The following ERBB4 variants were observed in gnomAD, a reference collection of about 807,000 sequenced individuals.
ERBB4 encodes the protein receptor tyrosine-protein kinase erbB-4.
A neutral mutation model predicts 158.0 loss-of-function variants in ERBB4; 42 were observed. The observed-to-expected ratio is 0.27, with a 90% CI of 0.21 to 0.34. The LOEUF (loss-of-function observed/expected upper bound fraction) is 0.34, where lower values mean the gene tolerates loss of function less well. Among genes scored for constraint, ERBB4 ranks in the 10% least tolerant of loss-of-function variants. The probability of loss-of-function intolerance (pLI) is 1.00; values close to 1 mark genes in which losing one functional copy is unlikely to be tolerated. For synonymous variants in ERBB4, 583 were observed against 558.7 expected, an observed-to-expected ratio of 1.04 and a Z score of -0.61; for missense variants, 1,333 against 1,624.1, an observed-to-expected ratio of 0.82 and a Z score of 3.08.
chr2:212,219,706 A>C (rs1458742734), intron 1 of ERBB4, among the ~76,000 whole-genome samples: 1 of 151,340 alleles, frequency 6.6e-6, no homozygotes, highest in African/African-American at 2.4e-5. Context: ...CCATATCCTG[A>C]TCATTCATCC....
intron 20 of ERBB4, among the ~76,000 whole-genome samples, chr2:211,536,425 C>T (rs149693165): frequency 1.3e-3 from 194 of 152,126 alleles, no homozygotes; most frequent in African/African-American, 4.5e-3. Context: ...GACATTACTC[C>T]GGCTTCCCAT....
At chr2:212,185,884 A>T (rs2082003737) in intron 1 of ERBB4, among the ~76,000 whole-genome samples, 1 of 152,084 alleles carries the variant, frequency 6.6e-6, no homozygotes, top group African/African-American at 2.4e-5. Flanking sequence ...ATATTATAGA[A>T]TTTTTTCCAT....
At chr2:212,338,003 G>A (rs2088526313) in intron 1 of ERBB4, among the ~76,000 whole-genome samples, 1 of 152,072 alleles carries the variant, frequency 6.6e-6, no homozygotes, top group Non-Finnish European at 1.5e-5. Context: ...AACTGTGCCA[G>A]GATAATTGAC....
chr2:212,461,683 A>G (rs2106073387), intron 1 of ERBB4, among the ~76,000 whole-genome samples: 1 of 152,176 alleles, frequency 6.6e-6, no homozygotes, highest in South Asian at 2.1e-4. Context: ...CCAAAATGTG[A>G]GGATGTGAGA....
chr2:211,424,767 T>C (rs1342872952), intron 22 of ERBB4, among the ~76,000 whole-genome samples: 4 of 151,896 alleles, frequency 2.6e-5, no homozygotes, highest in Admixed American at 6.6e-5. Context: ...AATTACCTTA[T>C]GTTACAATAA....
At chr2:212,294,993 C>G (rs1402391437) in intron 1 of ERBB4, among the ~76,000 whole-genome samples, 1 of 152,030 alleles carries the variant, frequency 6.6e-6, no homozygotes, top group Non-Finnish European at 1.5e-5. Flanking sequence ...GTAATATTTG[C>G]TGTATGGTCT....
At chr2:212,356,779 T>C (rs765511788) in intron 1 of ERBB4, among the ~76,000 whole-genome samples, 6 of 151,922 alleles carry the variant, frequency 3.9e-5, no homozygotes, top group Non-Finnish European at 7.4e-5. Flanking sequence ...ATAGTATGAA[T>C]GCTCATATTC....
At chr2:211,935,143 C>A (rs1048131158) in intron 3 of ERBB4, among the ~76,000 whole-genome samples, 1 of 152,048 alleles carries the variant, frequency 6.6e-6, no homozygotes, top group Non-Finnish European at 1.5e-5. Context: ...TGTATGCCCT[C>A]CTTGTGGTAT....
intron 20 of ERBB4, among the ~76,000 whole-genome samples, chr2:211,459,504 T>A (rs914681821): frequency 7.9e-5 from 12 of 152,166 alleles, no homozygotes; most frequent in Admixed American, 7.9e-4. Flanking sequence ...ATAATTCCCA[T>A]GTCTTGTGGG....
intron 1 of ERBB4, among the ~76,000 whole-genome samples, chr2:212,230,403 A>T (rs747433003): frequency 1.3e-4 from 20 of 152,214 alleles, no homozygotes; most frequent in Non-Finnish European, 2.6e-4. Flanking sequence ...TTTCCAATGG[A>T]TTTTGTATTG....
intron 1 of ERBB4, among the ~76,000 whole-genome samples, chr2:212,380,676 A>G (rs1323108137): frequency 6.6e-6 from 1 of 150,990 alleles, no homozygotes; most frequent in African/African-American, 2.4e-5. Flanking sequence ...GTATTTATGT[A>G]TATATTTTCT....
chr2:211,471,951 G>C (rs1185441010), intron 20 of ERBB4, among the ~76,000 whole-genome samples: 1 of 152,122 alleles, frequency 6.6e-6, no homozygotes, highest in Non-Finnish European at 1.5e-5. Context: ...AGACCAGCCT[G>C]AGCAACAGAG....
intron 1 of ERBB4, among the ~76,000 whole-genome samples, chr2:212,179,644 T>C (rs768714552): frequency 4.6e-5 from 7 of 151,574 alleles, no homozygotes; most frequent in Non-Finnish European, 8.9e-5. Flanking sequence ...GATGATTTAT[T>C]TTAATTTGTA....
At chr2:211,807,050 ATAAT>A (rs201226239) in intron 3 of ERBB4, among the ~76,000 whole-genome samples, 2,739 of 152,222 alleles carry the variant, frequency 0.018, 92 homozygotes, top group African/African-American at 0.062. Flanking sequence ...AAATCAAGAA[ATAAT>A]TAATTATATT....
At chr2:211,564,076 A>G (rs1480445774) in intron 19 of ERBB4, among the ~76,000 whole-genome samples, 1 of 152,198 alleles carries the variant, frequency 6.6e-6, no homozygotes, top group African/African-American at 2.4e-5. Flanking sequence ...TGACAAAAAA[A>G]GAGTTAATTT....
At chr2:211,727,319 G>T (rs7597007) in intron 5 of ERBB4, among the ~76,000 whole-genome samples, 106,528 of 151,896 alleles carry the variant, frequency 0.7, 38,380 homozygotes, top group African/African-American at 0.88. Flanking sequence ...ATATTTCTAT[G>T]GCACTTATAC....
At chr2:212,001,942 A>C (rs775559660) in intron 2 of ERBB4, among the ~76,000 whole-genome samples, 14 of 152,184 alleles carry the variant, frequency 9.2e-5, no homozygotes, top group Non-Finnish European at 1.6e-4. Flanking sequence ...GTGACCATTA[A>C]ATTACACAAA....
chr2:212,223,151 T>C (rs1277238492), intron 1 of ERBB4, among the ~76,000 whole-genome samples: 2 of 151,430 alleles, frequency 1.3e-5, no homozygotes, highest in Admixed American at 6.6e-5. Flanking sequence ...GAAAATCTAA[T>C]TTAACTAGAC....
At chr2:211,741,528 G>A (rs2074797576) in intron 5 of ERBB4, among the ~76,000 whole-genome samples, 1 of 150,504 alleles carries the variant, frequency 6.6e-6, no homozygotes, top group South Asian at 2.1e-4. Flanking sequence ...AAAGATAAGA[G>A]AACTTGTTGA....
Sources: gnomAD v4.1 joint callset for allele counts (sites outside exome capture counted in the v4.1 genomes callset) on GRCh38, gnomAD v4.1.1 for gene constraint, MANE v1.5 for transcripts, NCBI Gene and HGNC (gene_info 2026-07-23, HGNC 2026-07-21) for gene names.